Variants in FAM107B observed in about 807,000 individuals in gnomAD.
The protein encoded by FAM107B is family with sequence similarity 107 member B.
Under a neutral mutation model 31.5 loss-of-function variants are expected in FAM107B, and 21 were observed. That is an observed-to-expected ratio of 0.67 (90% CI 0.47 to 0.96). FAM107B has a LOEUF of 0.96. Ranked by LOEUF, FAM107B falls within the 40% of genes least tolerant of loss-of-function variation. FAM107B has a pLI of 0.00. For missense variants in FAM107B, 452 were observed against 377.1 expected (o/e 1.20, Z -1.64); for synonymous variants, 157 against 141.5 (o/e 1.11, Z -0.78).
At chr10:14,763,268 A>G (rs1490834899) in intron 1 of FAM107B, among the ~76,000 whole-genome samples, 1 of 152,182 alleles carries the variant, frequency 6.6e-6, no homozygotes, top group East Asian at 1.9e-4. Flanking sequence ...CTCAAAATAA[A>G]AACGTAAATA....
At chr10:14,543,307 T>C (rs533749528) in intron 2 of FAM107B, among the ~76,000 whole-genome samples, 1 of 152,278 alleles carries the variant, frequency 6.6e-6, no homozygotes, top group East Asian at 1.9e-4. Context: ...CTTTTTTGAA[T>C]TGCAAGAAGA....
chr10:14,729,245 T>A (rs1341797075), intron 1 of FAM107B, among the ~76,000 whole-genome samples: 1 of 152,150 alleles, frequency 6.6e-6, no homozygotes, highest in African/African-American at 2.4e-5. Flanking sequence ...GCAATCCTCC[T>A]ACCTTGACCT....
chr10:14,689,134 C>T (rs1010070331), intron 1 of FAM107B, among the ~76,000 whole-genome samples: 2 of 152,132 alleles, frequency 1.3e-5, no homozygotes, highest in Admixed American at 6.5e-5. Context: ...GGTGCGGTGG[C>T]TCACACCTGT....
chr10:14,774,824 C>T lies in FAM107B; in HGVS notation c.-161G>A. The stretch of plus-strand genomic sequence containing the variant: ...GAAGTTGGGATGGCAAGGCCACCTT[C>T]CCTGAGAGTCACTTAGCCGCTGGGG... On this transcript the variant is annotated 5_prime_UTR_variant, in exon 1 of 5. Coordinates refer to ENST00000181796, the MANE Select transcript of FAM107B (RefSeq NM_031453.4). The T allele has an allele frequency of 2.6e-6, 2 of 772,736 alleles. No homozygotes were observed. Among genetic ancestry groups the T allele is most frequent in the South Asian group, 3.8e-5 (2 of 52,466 alleles). 47.9% of individuals were successfully genotyped at this position (772,736 alleles called of 1,614,324 possible). A position where few individuals can be genotyped will look rare whatever the true frequency, so the allele number is the denominator to read the frequency against.
intron 3 of FAM107B, among the ~76,000 whole-genome samples, chr10:14,522,391 G>A (rs1256115489): frequency 1.3e-5 from 2 of 151,962 alleles, no homozygotes; most frequent in Admixed American, 1.3e-4. Flanking sequence ...ATGGAGGGGA[G>A]GCTTCCCAAA....
intron 1 of FAM107B, among the ~76,000 whole-genome samples, chr10:14,696,720 T>C (rs1271850129): frequency 6.6e-6 from 1 of 152,146 alleles, no homozygotes. Context: ...CTCCGTCCCT[T>C]GTTAACAAAT....
chr10:14,656,536 T>G (rs1854060376), intron 2 of FAM107B, among the ~76,000 whole-genome samples: 1 of 152,164 alleles, frequency 6.6e-6, no homozygotes, highest in South Asian at 2.1e-4. Flanking sequence ...GTTCCTGGCA[T>G]GCAATACAAG....
chr10:14,604,144 G>A (rs996655182), intron 2 of FAM107B: 46 of 383,772 alleles, frequency 1.2e-4, no homozygotes, highest in African/African-American at 9.7e-4. Flanking sequence ...CCCGCCCGCC[G>A]AGAGGGTCCC....
At chr10:14,728,396 A>C (rs1856086529) in intron 1 of FAM107B, among the ~76,000 whole-genome samples, 1 of 151,840 alleles carries the variant, frequency 6.6e-6, no homozygotes, top group Non-Finnish European at 1.5e-5. Flanking sequence ...ATTTTTGAAA[A>C]TAAAGCCAGT....
intron 2 of FAM107B, among the ~76,000 whole-genome samples, chr10:14,566,033 G>A (rs946698542): frequency 1.5e-4 from 23 of 152,194 alleles, no homozygotes; most frequent in Admixed American, 6.5e-4. Context: ...CATGCCTGAG[G>A]GGCCCTACGC....
chr10:14,549,023 T>C (rs911079567), intron 2 of FAM107B, among the ~76,000 whole-genome samples: 15 of 152,138 alleles, frequency 9.9e-5, no homozygotes, highest in East Asian at 3.9e-4. Context: ...CAGAGCTCCT[T>C]CTTTCTCAAT....
chr10:14,723,837 A>C, intron 1 of FAM107B: 1 of 756,554 alleles, frequency 1.3e-6, no homozygotes, highest in East Asian at 2.4e-5. Context: ...TGACACTGAC[A>C]TCAGCAGGGT....
At chr10:14,667,732 T>TA in intron 1 of FAM107B, 41 bp from the exon 2 acceptor site, 1 of 1,602,646 alleles carries the variant, frequency 6.2e-7, no homozygotes, top group Non-Finnish European at 8.5e-7. Flanking sequence ...AGGGAGAAAG[T>TA]AAAAATATGC....
At chr10:14,542,074 T>G (rs777280228) in intron 2 of FAM107B, among the ~76,000 whole-genome samples, 1 of 151,830 alleles carries the variant, frequency 6.6e-6, no homozygotes, top group Non-Finnish European at 1.5e-5. Context: ...CTTGGCCAAG[T>G]AGAAACCCCA....
chr10:14,616,201 G>T (rs1852845821), intron 2 of FAM107B, among the ~76,000 whole-genome samples: 1 of 152,092 alleles, frequency 6.6e-6, no homozygotes, highest in Non-Finnish European at 1.5e-5. Context: ...TTTTGATAAA[G>T]CTGAACTAAG....
At chr10:14,615,739 G>C (rs1179684043) in intron 2 of FAM107B, among the ~76,000 whole-genome samples, 1 of 152,172 alleles carries the variant, frequency 6.6e-6, no homozygotes, top group Non-Finnish European at 1.5e-5. Context: ...CTAGATTTGG[G>C]AACAGAGTAA....
intron 1 of FAM107B, among the ~76,000 whole-genome samples, chr10:14,758,873 GAAAAAAAAA>G (rs57967855): frequency 2.6e-5 from 1 of 38,968 alleles, no homozygotes; most frequent in African/African-American, 9.8e-5. Context: ...GACCCTCTCA[GAAAAAAAAA>G]AAAAAAAAAA....
chr10:14,635,036 C>A (rs1225391241), intron 2 of FAM107B, among the ~76,000 whole-genome samples: 1 of 149,088 alleles, frequency 6.7e-6, no homozygotes, highest in East Asian at 2.0e-4. Flanking sequence ...CTGCAGTGAG[C>A]TGAGATTGCA....
At chr10:14,626,499 C>CTTTTTTTTTTTTTTTTTTTTTT (rs71505032) in intron 2 of FAM107B, among the ~76,000 whole-genome samples, 1 of 109,042 alleles carries the variant, frequency 9.2e-6, no homozygotes, top group Non-Finnish European at 1.8e-5. Context: ...TGAGGCGGAT[C>CTTTTTTTTTTTTTTTTTTTTTT]TTTTTTTTCT....
Sources: allele counts gnomAD v4.1 joint callset (sites outside exome capture counted in the v4.1 genomes callset), GRCh38; gene constraint gnomAD v4.1.1; transcripts MANE v1.5; gene names NCBI Gene and HGNC (gene_info 2026-07-23, HGNC 2026-07-21).